The following IARS1 variants were observed in gnomAD, a reference collection of about 807,000 sequenced individuals.
The protein encoded by IARS1 is isoleucyl-tRNA synthetase 1, also known as isoleucine--tRNA ligase, cytoplasmic.
A neutral mutation model predicts 168.2 loss-of-function variants in IARS1; 124 were observed. The observed-to-expected ratio is 0.74, with a 90% CI of 0.64 to 0.86. IARS1 has a LOEUF of 0.86. IARS1 is among the 40% of genes least tolerant of loss of function. IARS1 has a pLI of 0.00. For synonymous variants in IARS1, 532 were observed against 529.4 expected (o/e 1.00, Z -0.07); for missense variants, 1,452 against 1,515.8 (o/e 0.96, Z 0.70).
chr9:92,234,605 T>G (rs1321097286), intron 30 of IARS1, among the ~76,000 whole-genome samples: 1 of 152,196 alleles, frequency 6.6e-6, no homozygotes, highest in Non-Finnish European at 1.5e-5. Context: ...ACATTACTGA[T>G]GCACACCACT....
At position 92,255,887 on chromosome 9, in the gene IARS1, G is replaced by T. The variant is rs113496406; in HGVS notation, c.2137+793C>A. On this transcript the variant is annotated intron_variant, in intron 20 of 33. Coordinates refer to ENST00000443024, the MANE Select transcript of IARS1 (RefSeq NM_002161.6). ...ACAAGAAAAAGGGTATAACCGAGATGTTTGCAACACAAAGATATGATAAAT... is the reference window on the plus strand; with the variant it reads ...ACAAGAAAAAGGGTATAACCGAGATTTTTGCAACACAAAGATATGATAAAT... Among the ~76,000 whole-genome samples the T allele has an allele frequency of 4.8e-3, 736 of 152,204 alleles. 6 individuals carry two copies. The highest frequency in any genetic ancestry group is 0.015 in the African/African-American group (642 of 41,526).
intron 33 of IARS1, among the ~76,000 whole-genome samples, chr9:92,217,044 G>A (rs1250249173): frequency 7.4e-5 from 11 of 148,672 alleles, no homozygotes; most frequent in Non-Finnish European, 1.5e-4. Context: ...CTCAGCAAAT[G>A]TAAAAGAACA....
At chr9:92,219,473 G>C (rs1269099122) in intron 33 of IARS1, among the ~76,000 whole-genome samples, 1 of 149,076 alleles carries the variant, frequency 6.7e-6, no homozygotes, top group East Asian at 1.9e-4. Context: ...CCATCAGAGT[G>C]AACAGGCAAC....
Position 92,259,256 on chromosome 9 carries a change from G to A in IARS1, c.1872-258C>T, listed in dbSNP as rs779928742. ...TGTATAGCACAGAAATGCATCTTAT[G>A]CCACTCTCACTGCAGGACCAATGGG... On this transcript the variant is annotated intron_variant, in intron 18 of 33. Transcript: ENST00000443024. 2.0e-5 allele frequency among the ~76,000 whole-genome samples: 3 copies of A among 152,168 alleles called. No individual in the cohort carries two copies. The East Asian group carries it at 5.8e-4, about 29-fold the overall frequency.
chr9:92,264,885 A>G (rs1327135294), intron 16 of IARS1, 44 bp downstream of exon 16: 1 of 1,529,028 alleles, frequency 6.5e-7, no homozygotes, highest in Non-Finnish European at 8.9e-7. Context: ...CCCTAAATAA[A>G]ATAAAATCAA....
chr9:92,290,878 ATCT>A (rs1380101139), intron 1 of IARS1, among the ~76,000 whole-genome samples: 3 of 152,182 alleles, frequency 2.0e-5, no homozygotes, highest in Non-Finnish European at 4.4e-5. Context: ...AAGTAACTTC[ATCT>A]TCTCTTTGAG....
At chr9:92,222,402 AGAATAAC>A in intron 33 of IARS1, 111 bp downstream of exon 33, 1 of 623,600 alleles carries the variant, frequency 1.6e-6, no homozygotes, top group Non-Finnish European at 2.5e-6. Flanking sequence ...TTCTGGGGAA[AGAATAAC>A]AAAACAGGAT....
At chr9:92,290,005 G>A (rs1010174112) in intron 1 of IARS1, among the ~76,000 whole-genome samples, 1 of 152,076 alleles carries the variant, frequency 6.6e-6, no homozygotes, top group Non-Finnish European at 1.5e-5. Flanking sequence ...TACGAATAAC[G>A]CTGCTATGAA....
chr9:92,278,048 G>T, intron 8 of IARS1, 125 bp from the exon 9 acceptor site: 1 of 1,068,422 alleles, frequency 9.4e-7, no homozygotes, highest in Non-Finnish European at 1.4e-6. Context: ...GCTGTAATGT[G>T]TGACTGCAAA....
Position 92,288,169 on chromosome 9 carries a change from T to A in IARS1, c.233A>T (p.His78Leu). The A allele has an allele frequency of 6.2e-7, 1 of 1,614,076 alleles. No homozygotes were observed. Among genetic ancestry groups the A allele is most frequent in the South Asian group, 1.1e-5 (1 of 91,070 alleles). Residue 78 changes from histidine to leucine, a missense_variant, in exon 3 of 34, where the codon CAT (histidine) becomes CTT (leucine). Transcript: ENST00000443024. ...ATCCCATCCAAATCTTCTGTCAACA[T>A]GAAACCCACTCTGGTGAGCATATCT... The part of the protein sequence containing the change: ...VTRYAHQSGF[H>L]VDRRFGWDCH...
At chr9:92,290,564 T>C (rs1320998692) in intron 1 of IARS1, among the ~76,000 whole-genome samples, 1 of 152,200 alleles carries the variant, frequency 6.6e-6, no homozygotes, top group Admixed American at 6.5e-5. Flanking sequence ...AATTTGTCAA[T>C]TTTTGGTTTT....
At chr9:92,249,422 G>C (rs527906564) in intron 25 of IARS1, among the ~76,000 whole-genome samples, 3 of 152,044 alleles carry the variant, frequency 2.0e-5, no homozygotes, top group African/African-American at 7.2e-5. Flanking sequence ...GCATGGTGGC[G>C]GGTGCCTGTA....
chr9:92,222,091 G>A (rs1000523985), intron 33 of IARS1, among the ~76,000 whole-genome samples: 3 of 152,212 alleles, frequency 2.0e-5, no homozygotes, highest in Non-Finnish European at 2.9e-5. Flanking sequence ...GCCGAGGTGG[G>A]CGGATCACCT....
At chr9:92,271,181 C>T in intron 11 of IARS1, 105 bp from the exon 12 acceptor site, 2 of 633,538 alleles carry the variant, frequency 3.2e-6, no homozygotes, top group Non-Finnish European at 5.2e-6. Context: ...GCACAAATAA[C>T]AAATATTATT....
chr9:92,285,790 T>C lies in IARS1; in HGVS notation c.529A>G (p.Lys177Glu). Residue 177 changes from lysine (K) to glutamate (E), a missense_variant, in exon 6 of 34, where the codon AAA (lysine) becomes GAA (glutamate). Transcript: ENST00000443024. ...CATGCCGTAGAGAAGGGCATGACTT[T>C]CACACCTCTATAAACAAGGCCTTTA... ...YDKGLVYRGV[K>E]VMPFSTACNT... The C allele has an allele frequency of 6.2e-7, 1 of 1,613,730 alleles. No homozygotes were observed. The highest frequency in any genetic ancestry group is 1.1e-5 in the South Asian group (1 of 91,058).
rs773916476 is a variant in IARS1, at chr9:92,228,951, C to T, written c.3409+50G>A. 13 of 1,606,846 alleles carry T rather than the reference C, an allele frequency of 8.1e-6. No individual in the cohort carries two copies. In the South Asian group the frequency reaches 1.1e-4, roughly 14 times the overall value. ...AACTGACAGCAAATTAAGACCTTCA[C>T]CAATCCATCTTGAGTCAAAGGACGT... On this transcript the variant is annotated intron_variant, in intron 31 of 33. Coordinates refer to ENST00000443024, the MANE Select transcript of IARS1 (RefSeq NM_002161.6).
At chr9:92,222,742 T>C (rs1839851794) in intron 32 of IARS1, 70 bp from the exon 33 acceptor site, 1 of 1,529,020 alleles carries the variant, frequency 6.5e-7, no homozygotes, top group African/African-American at 1.4e-5. Context: ...AGGTGGCCAC[T>C]GCGGACAGCT....
At chr9:92,275,178 C>T (rs765662381) in intron 9 of IARS1, among the ~76,000 whole-genome samples, 51 of 152,372 alleles carry the variant, frequency 3.3e-4, no homozygotes, top group Non-Finnish European at 6.2e-4. Flanking sequence ...TGATGTCCTT[C>T]CTTTTTGCAT....
At chr9:92,223,305 C>G in intron 32 of IARS1, 41 bp downstream of exon 32, 3 of 1,559,226 alleles carry the variant, frequency 1.9e-6, no homozygotes, top group Non-Finnish European at 1.7e-6. Flanking sequence ...AACTTCAATG[C>G]CCAGCACCCC....
Sources: allele counts gnomAD v4.1 joint callset (sites outside exome capture counted in the v4.1 genomes callset), GRCh38; gene constraint gnomAD v4.1.1; transcripts MANE v1.5; gene names NCBI Gene and HGNC (gene_info 2026-07-23, HGNC 2026-07-21).